The following ARFGEF1 variants were observed in gnomAD, a reference collection of about 807,000 sequenced individuals.
The protein encoded by ARFGEF1 is brefeldin A-inhibited guanine nucleotide-exchange protein 1.
A neutral mutation model predicts 231.0 loss-of-function variants in ARFGEF1; 42 were observed. The ratio of observed to expected loss-of-function variants is 0.18; its 90% CI spans 0.14 to 0.24. The LOEUF (loss-of-function observed/expected upper bound fraction) is 0.24, where lower values mean the gene tolerates loss of function less well. Among genes scored for constraint, ARFGEF1 ranks in the 10% least tolerant of loss-of-function variants. ARFGEF1 has a pLI of 1.00. For synonymous variants in ARFGEF1, 710 were observed against 732.3 expected (o/e 0.97, Z 0.49); for missense variants, 1,345 against 2,192.0 (o/e 0.61, Z 7.72).
chr8:67,250,613 C>A (rs1157836788), intron 19 of ARFGEF1, among the ~76,000 whole-genome samples: 1 of 152,154 alleles, frequency 6.6e-6, no homozygotes, highest in South Asian at 2.1e-4. Context: ...GAGTGAGCAT[C>A]GGATTATGAT....
At chr8:67,237,961 A>C (rs1337485781) in intron 22 of ARFGEF1, among the ~76,000 whole-genome samples, 4 of 152,212 alleles carry the variant, frequency 2.6e-5, no homozygotes, top group Admixed American at 6.5e-5. Context: ...GAGAGGTTTC[A>C]TACTGGCAGA....
chr8:67,224,972 C>G lies in ARFGEF1; in HGVS notation c.4139G>C (p.Arg1380Thr). Residue 1380 changes from arginine (R) to threonine (T), a missense_variant, in exon 29 of 39, where the codon AGA becomes ACA. Around this residue, in one of 14 missense-constraint regions of ARFGEF1, gnomAD observed 142 missense variants for 227.3 expected, o/e 0.62. Transcript: ENST00000262215. ...NVAPEDRVWVRGWFPILFELS... is the reference protein window; with the variant it reads ...NVAPEDRVWVTGWFPILFELS... ...CTCAAAGAGAATTGGGAACCATCCT[C>G]TCACCCACACCCTGTCTTCAGGTGC... is the stretch of plus-strand genomic sequence containing the variant. 3 of 1,607,240 alleles carry G rather than the reference C, an allele frequency of 1.9e-6. No homozygotes were observed. The highest frequency in any genetic ancestry group is 2.5e-6 in the Non-Finnish European group (3 of 1,176,720).
At chr8:67,258,003 AT>A in intron 16 of ARFGEF1, 81 bp downstream of exon 16, 1 of 1,329,734 alleles carries the variant, frequency 7.5e-7, no homozygotes, top group South Asian at 1.3e-5. Flanking sequence ...ATTAGGTCCT[AT>A]TATCTGTAAA....
At chr8:67,290,962 T>A (rs13249349) in intron 6 of ARFGEF1, among the ~76,000 whole-genome samples, 50,823 of 148,942 alleles carry the variant, frequency 0.34, 8,809 homozygotes, top group African/African-American at 0.43. Context: ...GGCATGGTTT[T>A]AAAAAAAAAA....
intron 1 of ARFGEF1, 59 bp downstream of exon 1, chr8:67,343,105 G>GC: frequency 1.0e-5 from 5 of 483,916 alleles, no homozygotes; most frequent in South Asian, 7.6e-5. Context: ...CCCCCCACAG[G>GC]CGCCCCCCTC....
chr8:67,236,366 ATATATATATAT>A lies in ARFGEF1; in HGVS notation c.3289+1966_3289+1976del, dbSNP rs1295768505. On this transcript the variant is annotated intron_variant, in intron 22 of 38. Transcript: ENST00000262215. Reference sequence around the variant, plus strand: ...ATATTAGTTAAAAAAAAAAAAAAAAATATATATATATATATATATATATATATATATATATA... The same window carrying A: ...ATATTAGTTAAAAAAAAAAAAAAAAAATATATATATATATATATATATATA... Among the ~76,000 whole-genome samples the A allele has an allele frequency of 5.1e-3, 91 of 17,720 alleles. 7 individuals are homozygous for A. Among genetic ancestry groups the A allele is most frequent in the East Asian group, 0.015 (4 of 270 alleles). 11.6% of individuals were successfully genotyped at this position (17,720 alleles called of 152,430 possible). A position where few individuals can be genotyped will look rare whatever the true frequency, so the allele number is the denominator to read the frequency against.
intron 4 of ARFGEF1, 127 bp downstream of exon 4, chr8:67,299,082 C>A (rs1397301233): frequency 2.1e-6 from 2 of 933,480 alleles, no homozygotes; most frequent in Admixed American, 3.5e-5. Context: ...CTGAGCCCGG[C>A]CTCGAATAAC....
At chr8:67,216,378 A>T (rs573675834) in intron 33 of ARFGEF1, among the ~76,000 whole-genome samples, 1 of 152,196 alleles carries the variant, frequency 6.6e-6, no homozygotes, top group African/African-American at 2.4e-5. Context: ...GCCATCTTGG[A>T]AGCAGAGAGC....
chr8:67,343,123 CACAACAAGCACCCCAT>C, intron 1 of ARFGEF1, 25 bp downstream of exon 1: 9 of 1,463,206 alleles, frequency 6.2e-6, no homozygotes, highest in East Asian at 4.9e-5. Context: ...CTCCCCGCCC[CACAACAAGCACCCCAT>C]CCCCCGGGCC....
At chr8:67,269,427 A>T (rs1804982764) in intron 10 of ARFGEF1, among the ~76,000 whole-genome samples, 1 of 141,666 alleles carries the variant, frequency 7.1e-6, no homozygotes, top group South Asian at 2.2e-4. Flanking sequence ...ATCTTAGCTC[A>T]CTGCAACCTC....
intron 9 of ARFGEF1, among the ~76,000 whole-genome samples, chr8:67,273,990 A>G (rs1047405985): frequency 6.6e-6 from 1 of 152,180 alleles, no homozygotes; most frequent in Non-Finnish European, 1.5e-5. Flanking sequence ...TGTATTCCCA[A>G]CATTTAACAA....
At chr8:67,295,236 A>G (rs775455755) in intron 5 of ARFGEF1, among the ~76,000 whole-genome samples, 3 of 152,212 alleles carry the variant, frequency 2.0e-5, no homozygotes, top group Non-Finnish European at 4.4e-5. Context: ...GACAGATATT[A>G]AAACTGAGCA....
intron 9 of ARFGEF1, 63 bp downstream of exon 9, chr8:67,275,913 C>T: frequency 6.3e-7 from 1 of 1,591,164 alleles, no homozygotes; most frequent in East Asian, 2.3e-5. Flanking sequence ...CCAAACATTA[C>T]CTTAACAGTA....
chr8:67,286,134 A>G (rs1587222868), intron 7 of ARFGEF1, among the ~76,000 whole-genome samples: 1 of 152,222 alleles, frequency 6.6e-6, no homozygotes, highest in African/African-American at 2.4e-5. Context: ...ATTGGAGAAG[A>G]TATATGCTGT....
chr8:67,312,474 A>C (rs1033866968), intron 1 of ARFGEF1, among the ~76,000 whole-genome samples: 4 of 152,168 alleles, frequency 2.6e-5, no homozygotes, highest in Non-Finnish European at 5.9e-5. Flanking sequence ...ATAATCTGTG[A>C]AAAATCCTAA....
At chr8:67,331,079 A>G (rs1476251877) in intron 1 of ARFGEF1, among the ~76,000 whole-genome samples, 5 of 152,170 alleles carry the variant, frequency 3.3e-5, no homozygotes, top group African/African-American at 9.7e-5. Context: ...AAAAATTAAG[A>G]AACAACGAAG....
intron 1 of ARFGEF1, among the ~76,000 whole-genome samples, chr8:67,306,057 T>C (rs952679799): frequency 6.6e-6 from 1 of 152,244 alleles, no homozygotes; most frequent in African/African-American, 2.4e-5. Flanking sequence ...ATGATTGTTT[T>C]TTCTTAAGTT....
intron 7 of ARFGEF1, among the ~76,000 whole-genome samples, chr8:67,282,602 C>G (rs778568928): frequency 2.0e-5 from 3 of 152,020 alleles, no homozygotes; most frequent in Non-Finnish European, 4.4e-5. Context: ...AATCCCAGCA[C>G]TTTGGGAGGC....
intron 6 of ARFGEF1, among the ~76,000 whole-genome samples, chr8:67,291,337 T>G (rs1052026456): frequency 6.6e-6 from 1 of 152,082 alleles, no homozygotes; most frequent in Non-Finnish European, 1.5e-5. Flanking sequence ...TTTTAGTGAT[T>G]ACTATGCATC....
Sources: gnomAD v4.1 joint callset for allele counts (sites outside exome capture counted in the v4.1 genomes callset) on GRCh38, gnomAD v4.1.1 for gene constraint, gnomAD v4.1.1 regional missense constraint, MANE v1.5 for transcripts, NCBI Gene and HGNC (gene_info 2026-07-23, HGNC 2026-07-21) for gene names.